Variants in ADAMTS3 observed in about 807,000 individuals in gnomAD.
The protein encoded by ADAMTS3 is ADAM metallopeptidase with thrombospondin type 1 motif 3.
Under a neutral mutation model 129.0 loss-of-function variants are expected in ADAMTS3, and 73 were observed. The observed-to-expected ratio is 0.57, with a 90% confidence interval of 0.47 to 0.69. ADAMTS3 has a LOEUF of 0.69. Among genes scored for constraint, ADAMTS3 ranks in the 30% least tolerant of loss-of-function variants. The pLI, the probability that ADAMTS3 is intolerant of heterozygous loss-of-function variation, is 0.00. For synonymous variants in ADAMTS3, 477 were observed against 510.8 expected (o/e 0.93, Z 0.89); for missense variants, 1,457 against 1,514.5 (o/e 0.96, Z 0.63).
intron 3 of ADAMTS3, among the ~76,000 whole-genome samples, chr4:72,517,444 C>T (rs1085960): frequency 0.038 from 5,729 of 152,124 alleles, 394 homozygotes; most frequent in African/African-American, 0.13. Flanking sequence ...TGGTAGAATT[C>T]GGCTGTGAAT....
chr4:72,292,244 A>G (rs1257507294), intron 19 of ADAMTS3, among the ~76,000 whole-genome samples: 1 of 152,210 alleles, frequency 6.6e-6, no homozygotes, highest in East Asian at 1.9e-4. Flanking sequence ...CACATTCTAC[A>G]GAGGATACAC....
chr4:72,489,112 C>T (rs1192752600), intron 3 of ADAMTS3, among the ~76,000 whole-genome samples: 1 of 151,932 alleles, frequency 6.6e-6, no homozygotes, highest in East Asian at 1.9e-4. Context: ...GCAGGATTTC[C>T]TTCATTTCTA....
At chr4:72,294,492 T>C (rs1412044464) in intron 19 of ADAMTS3, among the ~76,000 whole-genome samples, 1 of 152,104 alleles carries the variant, frequency 6.6e-6, no homozygotes, top group Non-Finnish European at 1.5e-5. Flanking sequence ...ATGTGATAGA[T>C]TGGTTAATTA....
intron 4 of ADAMTS3, among the ~76,000 whole-genome samples, chr4:72,412,033 T>C (rs1722196368): frequency 6.6e-6 from 1 of 152,054 alleles, no homozygotes; most frequent in Non-Finnish European, 1.5e-5. Context: ...AATCAAGAAA[T>C]GTAGCTAGCC....
chr4:72,467,150 G>C (rs1718943469), intron 3 of ADAMTS3, among the ~76,000 whole-genome samples: 1 of 151,998 alleles, frequency 6.6e-6, no homozygotes, highest in Non-Finnish European at 1.5e-5. Flanking sequence ...AAGCCCAAAA[G>C]TCACCTTTGA....
At chr4:72,299,653 CA>C (rs1718902082) in intron 17 of ADAMTS3, among the ~76,000 whole-genome samples, 1 of 152,110 alleles carries the variant, frequency 6.6e-6, no homozygotes, top group Non-Finnish European at 1.5e-5. Context: ...CTACATGTTA[CA>C]TAATTTTCAC....
At chr4:72,296,803 A>G (rs1254250715) in intron 18 of ADAMTS3, among the ~76,000 whole-genome samples, 2 of 152,050 alleles carry the variant, frequency 1.3e-5, no homozygotes, top group African/African-American at 4.8e-5. Context: ...CTATCATGTT[A>G]TTTATGGCAA....
intron 3 of ADAMTS3, among the ~76,000 whole-genome samples, chr4:72,471,200 G>A (rs1005473681): frequency 5.9e-5 from 9 of 152,208 alleles, no homozygotes; most frequent in African/African-American, 2.2e-4. Flanking sequence ...AAGATTTCAA[G>A]CAAAAATTAG....
chr4:72,441,382 T>G (rs1016884357), intron 3 of ADAMTS3, among the ~76,000 whole-genome samples: 3 of 151,806 alleles, frequency 2.0e-5, no homozygotes, highest in Non-Finnish European at 2.9e-5. Flanking sequence ...GATTGTCTTT[T>G]CACTGATGAT....
chr4:72,298,477 TGAGG>T, intron 17 of ADAMTS3, 35 bp from the exon 18 acceptor site: 1 of 1,476,526 alleles, frequency 6.8e-7, no homozygotes, highest in South Asian at 1.4e-5. Context: ...GTAAATCACC[TGAGG>T]GTTTTAAATT....
chr4:72,286,020 C>T (rs1310056575), intron 21 of ADAMTS3, among the ~76,000 whole-genome samples: 1 of 152,176 alleles, frequency 6.6e-6, no homozygotes, highest in East Asian at 1.9e-4. Context: ...ACCGTTAGAA[C>T]TCTTAGGATT....
intron 4 of ADAMTS3, among the ~76,000 whole-genome samples, chr4:72,405,626 G>A (rs1722031367): frequency 6.6e-6 from 1 of 152,066 alleles, no homozygotes; most frequent in Non-Finnish European, 1.5e-5. Context: ...ATAAGTCTTA[G>A]TCATTAGTCT....
intron 4 of ADAMTS3, among the ~76,000 whole-genome samples, chr4:72,397,225 G>A (rs1326976669): frequency 6.6e-6 from 1 of 151,990 alleles, no homozygotes; most frequent in Non-Finnish European, 1.5e-5. Flanking sequence ...GTAAAATAGG[G>A]TTCTTCATAA....
chr4:72,541,667 T>G (rs1449880270), intron 3 of ADAMTS3, among the ~76,000 whole-genome samples: 2 of 152,124 alleles, frequency 1.3e-5, no homozygotes, highest in Non-Finnish European at 2.9e-5. Flanking sequence ...ATGCTGTTTT[T>G]GTGATAGTGA....
chr4:72,542,876 T>A (rs765922306), intron 3 of ADAMTS3, among the ~76,000 whole-genome samples: 5 of 152,220 alleles, frequency 3.3e-5, no homozygotes, highest in African/African-American at 1.2e-4. Flanking sequence ...ACTTTACTTG[T>A]TTGGAAACAT....
At chr4:72,452,635 G>A (rs1480700487) in intron 3 of ADAMTS3, among the ~76,000 whole-genome samples, 3 of 151,638 alleles carry the variant, frequency 2.0e-5, no homozygotes, top group Admixed American at 6.6e-5. Flanking sequence ...ATTCAGTACT[G>A]GACTGGGTCA....
chr4:72,531,985 A>C (rs753413074), intron 3 of ADAMTS3, among the ~76,000 whole-genome samples: 7 of 151,976 alleles, frequency 4.6e-5, no homozygotes, highest in Non-Finnish European at 7.4e-5. Flanking sequence ...TCTGGGACTG[A>C]CAGGTACTGA....
chr4:72,424,847 C>G lies in ADAMTS3; in HGVS notation c.505-9876G>C, dbSNP rs954594395. Among the ~76,000 whole-genome samples the G allele has an allele frequency of 2.6e-5, 4 of 152,108 alleles. No homozygotes were observed. The East Asian group carries it at 7.7e-4, about 29-fold the overall frequency. On this transcript the variant is annotated intron_variant, in intron 3 of 21. Coordinates refer to ENST00000286657, the MANE Select transcript of ADAMTS3 (RefSeq NM_014243.3). ...ATCTGTATCCTACTTGTAGGACAGT[C>G]TTGTGCCATAAATCCTTGGATACTA... is the stretch of plus-strand genomic sequence containing the variant.
intron 3 of ADAMTS3, among the ~76,000 whole-genome samples, chr4:72,513,436 C>T (rs2109726160): frequency 6.6e-6 from 1 of 152,270 alleles, no homozygotes; most frequent in Middle Eastern, 3.4e-3. Context: ...ATTGCAGTAG[C>T]CTCCAAACTA....
Sources: allele counts gnomAD v4.1 joint callset (sites outside exome capture counted in the v4.1 genomes callset), GRCh38; gene constraint gnomAD v4.1.1; transcripts MANE v1.5; gene names NCBI Gene and HGNC (gene_info 2026-07-23, HGNC 2026-07-21).